The following SVIL variants were observed in gnomAD, a reference collection of about 807,000 sequenced individuals.
The protein encoded by SVIL is supervillin, also known as archvillin.
Under a neutral mutation model 240.4 loss-of-function variants are expected in SVIL, and 101 were observed. The observed-to-expected ratio is 0.42, with a 90% CI of 0.36 to 0.50. The LOEUF is 0.50. Among genes scored for constraint, SVIL ranks in the 20% least tolerant of loss-of-function variants. The probability of loss-of-function intolerance (pLI) is 0.01; values close to 1 mark genes in which losing one functional copy is unlikely to be tolerated. For synonymous variants in SVIL, 999 were observed against 1,100.0 expected (o/e 0.91, Z 1.82); for missense variants, 2,512 against 2,818.7 (o/e 0.89, Z 2.46).
intron 1 of SVIL, among the ~76,000 whole-genome samples, chr10:29,581,591 C>G (rs1955948952): frequency 6.6e-6 from 1 of 152,172 alleles, no homozygotes; most frequent in Non-Finnish European, 1.5e-5. Flanking sequence ...CCTTTCTAAA[C>G]TTCAGAATTC....
chr10:29,559,655 C>A (rs972920889), intron 3 of SVIL, among the ~76,000 whole-genome samples: 1 of 152,146 alleles, frequency 6.6e-6, no homozygotes. Context: ...TTAGGACTTC[C>A]AAACATATCC....
At position 29,533,072 on chromosome 10, in the gene SVIL, C is replaced by A. The variant is rs1357109011; in HGVS notation, c.1295G>T (p.Gly432Val). 2.5e-6 allele frequency: 4 copies of A among 1,610,080 alleles called. No individual in the cohort carries two copies. The African/African-American group carries it at 5.4e-5, about 22-fold the overall frequency. Reference protein sequence around the residue: ...VCESKAEEEEGEGEGEEKEED... With the variant: ...VCESKAEEEEVEGEGEEKEED... ...TTCTTTTTCTTCTCCTTCTCCTTCC[C>A]CTTCTTCTTCTTCTGCTTTTGACTC... Residue 432 changes from glycine to valine, a missense_variant, in exon 8 of 38, where the codon GGG (glycine) becomes GTG (valine). By Grantham distance (109) the Gly-to-Val change is moderately radical. Around this residue, in one of 3 missense-constraint regions of SVIL, gnomAD observed 1,443 missense variants for 1,486.6 expected, o/e 0.97. Coordinates refer to ENST00000355867, the MANE Select transcript of SVIL (RefSeq NM_021738.3).
At chr10:29,531,675 G>A (rs1261921696) in intron 9 of SVIL, among the ~76,000 whole-genome samples, 1 of 152,180 alleles carries the variant, frequency 6.6e-6, no homozygotes, top group African/African-American at 2.4e-5. Context: ...TATTTTCACT[G>A]TAAAATCTGG....
In SVIL at chr10:29,494,816, C is replaced by T. The variant is rs2132415151; in HGVS notation, c.3841+98G>A. 2.4e-6 allele frequency: 3 copies of T among 1,229,906 alleles called. No homozygotes were observed. The East Asian group carries it at 7.0e-5, about 29-fold the overall frequency. The allele number at this position is 1,229,906 out of a possible 1,614,324, so 76.2% of individuals were successfully genotyped here. A position where few individuals can be genotyped will look rare whatever the true frequency, so the allele number is the denominator to read the frequency against. On this transcript the variant is annotated intron_variant, in intron 20 of 37. Coordinates refer to ENST00000355867, the MANE Select transcript of SVIL (RefSeq NM_021738.3). ...ATCAGGGCTTGTTTCTCTAATCAGT[C>T]TTGACCAAAACTTCTTTTTTTTGGC...
rs1438513733 is a variant in SVIL at position 29,576,680 on chromosome 10, A to C, written c.-200-7368T>G. Among the ~76,000 whole-genome samples, 8 of 152,216 alleles carry C rather than the reference A, an allele frequency of 5.3e-5. 1 individual carries two copies. The East Asian group carries it at 1.5e-3, about 29-fold the overall frequency. ...CCACCTCATCCTCCTGAGTCTCCAG[A>C]ACTACAGGCATGTGCCAACATGCCT... On this transcript the variant is annotated intron_variant, in intron 1 of 37. Transcript: ENST00000355867.
At chr10:29,665,046 C>T (rs901764815) in intron 2 of SVIL, among the ~76,000 whole-genome samples, 2 of 151,832 alleles carry the variant, frequency 1.3e-5, no homozygotes, top group Non-Finnish European at 2.9e-5. Context: ...TCAAGACCAG[C>T]TGGAGCAACA....
intron 6 of SVIL, among the ~76,000 whole-genome samples, chr10:29,549,758 A>T (rs1395293564): frequency 6.9e-6 from 1 of 144,422 alleles, no homozygotes; most frequent in East Asian, 2.0e-4. Flanking sequence ...CATTCTCAGT[A>T]AACTATCGCA....
At chr10:29,519,563 A>T (rs1950433942) in intron 16 of SVIL, among the ~76,000 whole-genome samples, 1 of 152,236 alleles carries the variant, frequency 6.6e-6, no homozygotes, top group Admixed American at 6.5e-5. Context: ...CTCATGGAAA[A>T]GCTATCATGG....
intron 1 of SVIL, among the ~76,000 whole-genome samples, chr10:29,581,878 G>A (rs973783018): frequency 1.1e-4 from 16 of 152,110 alleles, no homozygotes; most frequent in African/African-American, 3.4e-4. Context: ...AATATTATTC[G>A]GCCTTAAAAA....
Position 29,700,811 on chromosome 10 carries a change from G to C in SVIL, c.-399-14160C>G, listed in dbSNP as rs1007018547. Among the ~76,000 whole-genome samples the C allele has an allele frequency of 2.0e-5, 3 of 151,950 alleles. No individual in the cohort carries two copies. In the South Asian group the frequency reaches 6.2e-4, roughly 31 times the overall value. On this transcript the variant is annotated intron_variant, in intron 1 of 35. Transcript: ENST00000375400. ...TTTATGTGAGCCAGGAGTTACCTGT[G>C]GCACCCCTACCCCCACCTGCAATCA...
chr10:29,559,721 G>A (rs774287706), intron 3 of SVIL, among the ~76,000 whole-genome samples: 3 of 152,062 alleles, frequency 2.0e-5, no homozygotes, highest in African/African-American at 4.8e-5. Context: ...TGAGTAATTC[G>A]GAGTGGTACT....
rs536947818 is a variant in SVIL, at chr10:29,557,353, C to T, written c.-50-2245G>A. Among the ~76,000 whole-genome samples the T allele has an allele frequency of 2.6e-4, 39 of 152,284 alleles. No individual in the cohort carries two copies. The South Asian group carries it at 4.1e-3, about 16-fold the overall frequency. ...GCTCAAGGGATCTGCTTGCCTTGGCCTCCCAAAGTGCTGGGATTGCAGGTG... is the reference window on the plus strand; with the variant it reads ...GCTCAAGGGATCTGCTTGCCTTGGCTTCCCAAAGTGCTGGGATTGCAGGTG... On this transcript the variant is annotated intron_variant, in intron 3 of 37. Coordinates refer to ENST00000355867, the MANE Select transcript of SVIL (RefSeq NM_021738.3).
rs145174627 is a variant in SVIL at position 29,579,884 on chromosome 10, T to TG, written c.-200-10573dup. Among the ~76,000 whole-genome samples the TG allele has an allele frequency of 6.3e-3, 958 of 151,902 alleles. 10 individuals carry two copies. The highest frequency in any genetic ancestry group is 0.022 in the African/African-American group (895 of 41,406). On this transcript the variant is annotated intron_variant, in intron 1 of 37. Coordinates refer to ENST00000355867, the MANE Select transcript of SVIL (RefSeq NM_021738.3). ...CCTGTGACCTCCCCTGGCTCATCAC[T>TG]GGGGGGCGGATGCAAGGCTGAGGGT...
chr10:29,467,478 A>G (rs1241151666), intron 33 of SVIL, among the ~76,000 whole-genome samples: 1 of 152,148 alleles, frequency 6.6e-6, no homozygotes, highest in Non-Finnish European at 1.5e-5. Context: ...CTGGGAAGAA[A>G]AAAACTGTTC....
intron 1 of SVIL, among the ~76,000 whole-genome samples, chr10:29,707,355 A>T (rs1962963204): frequency 6.6e-6 from 1 of 152,140 alleles, no homozygotes; most frequent in Non-Finnish European, 1.5e-5. Flanking sequence ...GGTCCTTCAC[A>T]TTCCTTGTTA....
chr10:29,661,621 T>G (rs1327170476), intron 2 of SVIL, among the ~76,000 whole-genome samples: 1 of 152,174 alleles, frequency 6.6e-6, no homozygotes, highest in African/African-American at 2.4e-5. Flanking sequence ...ACCAACCCCC[T>G]GTGCAAAAAC....
intron 1 of SVIL, among the ~76,000 whole-genome samples, chr10:29,687,769 C>T (rs1961194404): frequency 6.6e-6 from 1 of 152,214 alleles, no homozygotes; most frequent in African/African-American, 2.4e-5. Context: ...GGTATAAATA[C>T]TAAACCTCCT....
In SVIL at chr10:29,524,549, TC is replaced by T; in HGVS notation, c.2508del (p.Asn837ThrfsTer3). ...CTCCTCTGTCTCGTGTCTATTCTGT[TC>T]CGGGTAGAAATCGCTTTTGAGACTG... ...SQPVSKAIST[R>X]NRIDTRQRRM... On this transcript the variant is annotated frameshift_variant, in exon 14 of 38. Coordinates refer to ENST00000355867, the MANE Select transcript of SVIL (RefSeq NM_021738.3). LOFTEE classifies it high-confidence loss of function. 6.2e-7 allele frequency: 1 copy of T among 1,614,126 alleles called. No homozygotes were observed. Among genetic ancestry groups the T allele is most frequent in the African/African-American group, 1.3e-5 (1 of 75,030 alleles).
intron 1 of SVIL, among the ~76,000 whole-genome samples, chr10:29,691,336 C>G (rs938321075): frequency 1.3e-5 from 2 of 151,898 alleles, no homozygotes; most frequent in African/African-American, 4.8e-5. Flanking sequence ...CTCAGCCTCC[C>G]GAGTAGCTGG....
Sources: allele counts gnomAD v4.1 joint callset (sites outside exome capture counted in the v4.1 genomes callset), GRCh38; gene constraint gnomAD v4.1.1; regional missense constraint gnomAD v4.1.1; transcripts MANE v1.5; gene names NCBI Gene and HGNC (gene_info 2026-07-23, HGNC 2026-07-21).